Variants in MTFR1 observed in about 807,000 individuals in gnomAD.
MTFR1 encodes mitochondrial fission regulator 1, also known as chondrocyte protein with a poly-proline region.
Under a neutral mutation model 38.8 loss-of-function variants are expected in MTFR1, and 28 were observed. That is an observed-to-expected ratio of 0.72 (90% CI 0.53 to 0.99). The LOEUF (loss-of-function observed/expected upper bound fraction) is 0.99. Ranked by LOEUF, MTFR1 falls within the 50% of genes least tolerant of loss-of-function variation. MTFR1 has a pLI of 0.00. For missense variants in MTFR1, 358 were observed against 395.5 expected (o/e 0.91, Z 0.81); for synonymous variants, 145 against 137.0 (o/e 1.06, Z -0.41).
At position 65,704,876 on chromosome 8, in the gene MTFR1, G is replaced by A; in HGVS notation, c.464G>A (p.Arg155Lys). Residue 155 changes from arginine to lysine, a missense_variant, in exon 5 of 8, where the codon AGA becomes AAA. By Grantham distance (26) the Arg-to-Lys change is conservative (BLOSUM62 2). Coordinates refer to ENST00000262146, the MANE Select transcript of MTFR1 (RefSeq NM_014637.4). Reference protein sequence around the residue: ...CALENELAALRAQIAKIVTQQ... With the variant: ...CALENELAALKAQIAKIVTQQ... ...CTCGAAAATGAACTTGCTGCTCTCA[G>A]AGCTCAGATTGCCAAAATTGTGACC... The A allele has an allele frequency of 6.2e-7, 1 of 1,611,506 alleles. No homozygotes were observed. The highest frequency in any genetic ancestry group is 1.7e-5 in the Admixed American group (1 of 59,680).
intron 3 of MTFR1, among the ~76,000 whole-genome samples, chr8:65,691,868 A>G (rs188750864): frequency 1.9e-4 from 29 of 152,342 alleles, no homozygotes; most frequent in Middle Eastern, 3.4e-3. Flanking sequence ...TAATTATACC[A>G]GGAGAGTACA....
At chr8:65,727,268 G>A in intron 3 of MTFR1, 1 of 1,613,420 alleles carries the variant, frequency 6.2e-7, no homozygotes, top group Non-Finnish European at 8.5e-7. Context: ...ATTAAGCTCA[G>A]CAAGATATCC....
At chr8:65,759,617 A>G (rs78481781) in intron 3 of MTFR1, among the ~76,000 whole-genome samples, 3,225 of 152,194 alleles carry the variant, frequency 0.021, 40 homozygotes, top group South Asian at 0.035. Flanking sequence ...GATTCTGGTC[A>G]TTTTTTCTAC....
In MTFR1 at chr8:65,701,222, G is replaced by A. The variant is rs571836566; in HGVS notation, c.282-3472G>A. 2.0e-5 allele frequency among the ~76,000 whole-genome samples: 3 copies of A among 152,224 alleles called. No individual in the cohort carries two copies. In the East Asian group the frequency reaches 5.8e-4, roughly 29 times the overall value. ...AGAAAGGCACTGATCTGTCTCCCAG[G>A]TGCACATCTTTAACCTTGGTAAAAT... On this transcript the variant is annotated intron_variant, in intron 4 of 7. Coordinates refer to ENST00000262146, the MANE Select transcript of MTFR1 (RefSeq NM_014637.4).
At chr8:65,724,137 AC>A in intron 3 of MTFR1, 1 of 612,168 alleles carries the variant, frequency 1.6e-6, no homozygotes. Flanking sequence ...GTGAATTGTT[AC>A]TAAAAATGTC....
At chr8:65,669,770 T>A in intron 1 of MTFR1, 103 bp from the exon 2 acceptor site, 2 of 571,692 alleles carry the variant, frequency 3.5e-6, no homozygotes, top group Non-Finnish European at 6.1e-6. Flanking sequence ...AGGCTGCACA[T>A]GAAGTTTTAA....
At chr8:65,660,492 T>C (rs989955656) in intron 1 of MTFR1, among the ~76,000 whole-genome samples, 1 of 152,020 alleles carries the variant, frequency 6.6e-6, no homozygotes, top group Admixed American at 6.6e-5. Context: ...AGGGCCTGAA[T>C]AAAATAAAAG....
intron 3 of MTFR1, chr8:65,721,843 C>G (rs1806390998): frequency 9.1e-6 from 1 of 110,220 alleles, no homozygotes; most frequent in Non-Finnish European, 1.7e-5. Context: ...GAGTTTCATT[C>G]TGTCACCCAG....
At chr8:65,675,576 G>A (rs1804688923) in intron 2 of MTFR1, among the ~76,000 whole-genome samples, 1 of 152,164 alleles carries the variant, frequency 6.6e-6, no homozygotes, top group East Asian at 1.9e-4. Context: ...TCCAGCCTGG[G>A]CAACAGCAAG....
chr8:65,759,580 A>G (rs1264070073), intron 3 of MTFR1, among the ~76,000 whole-genome samples: 1 of 152,200 alleles, frequency 6.6e-6, no homozygotes, highest in Non-Finnish European at 1.5e-5. Context: ...TAAGTGTCCA[A>G]TCAGGGCCCA....
chr8:65,676,213 G>T (rs774359110), intron 2 of MTFR1, among the ~76,000 whole-genome samples: 1 of 152,018 alleles, frequency 6.6e-6, no homozygotes, highest in African/African-American at 2.4e-5. Flanking sequence ...ACATTTTGTT[G>T]GGTCCTAACT....
At chr8:65,720,968 T>G (rs1340744920) in intron 3 of MTFR1, among the ~76,000 whole-genome samples, 2 of 152,216 alleles carry the variant, frequency 1.3e-5, no homozygotes, top group Non-Finnish European at 2.9e-5. Flanking sequence ...TCCCTCTCAC[T>G]GTTCCAACTG....
intron 3 of MTFR1, among the ~76,000 whole-genome samples, chr8:65,721,011 C>T (rs1806354345): frequency 6.6e-6 from 1 of 152,170 alleles, no homozygotes; most frequent in Non-Finnish European, 1.5e-5. Flanking sequence ...CCTCCAACAG[C>T]CAACAAATTA....
intron 3 of MTFR1, among the ~76,000 whole-genome samples, chr8:65,762,475 C>T (rs972276129): frequency 2.0e-5 from 3 of 152,174 alleles, no homozygotes; most frequent in Non-Finnish European, 4.4e-5. Flanking sequence ...AGGAATTAGA[C>T]ACATCTGAGT....
chr8:65,662,485 A>G (rs1202952948), intron 1 of MTFR1, among the ~76,000 whole-genome samples: 1 of 149,774 alleles, frequency 6.7e-6, no homozygotes, highest in East Asian at 1.9e-4. Flanking sequence ...TGGCCCCCCA[A>G]AGTGCGGAGA....
At chr8:65,685,336 G>T (rs1001083651) in intron 3 of MTFR1, among the ~76,000 whole-genome samples, 7 of 152,194 alleles carry the variant, frequency 4.6e-5, no homozygotes, top group African/African-American at 1.7e-4. Flanking sequence ...AGGTGAAGTG[G>T]ATTAAACTGA....
At chr8:65,643,912 C>T (rs1025058949), upstream of MTFR1, among the ~76,000 whole-genome samples, 2 of 151,976 alleles carry the variant, frequency 1.3e-5, no homozygotes, top group African/African-American at 4.8e-5. Flanking sequence ...TTGTGCCACC[C>T]GGGGCAAGAA....
chr8:65,750,504 C>CTGTG (rs1043866998), intron 3 of MTFR1, among the ~76,000 whole-genome samples: 1 of 143,050 alleles, frequency 7.0e-6, no homozygotes, highest in Non-Finnish European at 1.5e-5. Context: ...GTGTGTGTGT[C>CTGTG]TGTGTGTGTC....
chr8:65,719,266 A>G, intron 2 of MTFR1: 1 of 1,542,400 alleles, frequency 6.5e-7, no homozygotes, highest in Non-Finnish European at 9.0e-7. Context: ...TCCAGGAGGC[A>G]GTTTGTCCCA....
Sources: allele counts gnomAD v4.1 joint callset (sites outside exome capture counted in the v4.1 genomes callset), GRCh38; gene constraint gnomAD v4.1.1; transcripts MANE v1.5; gene names NCBI Gene and HGNC (gene_info 2026-07-23, HGNC 2026-07-21).